The following TAF4B variants were observed in gnomAD, a reference collection of about 807,000 sequenced individuals.
The protein encoded by TAF4B is transcription initiation factor TFIID subunit 4B.
A neutral mutation model predicts 86.4 loss-of-function variants in TAF4B; 38 were observed. The observed-to-expected ratio is 0.44, with a 90% CI of 0.34 to 0.58. TAF4B has a LOEUF of 0.58. Ranked by LOEUF, TAF4B falls within the 20% of genes least tolerant of loss-of-function variation. TAF4B has a pLI of 0.02. For synonymous variants in TAF4B, 388 were observed against 391.2 expected, an observed-to-expected ratio of 0.99 and a Z score of 0.10; for missense variants, 988 against 1,027.6, an observed-to-expected ratio of 0.96 and a Z score of 0.53.
At chr18:26,230,869 G>A (rs1057327056) in intron 1 of TAF4B, among the ~76,000 whole-genome samples, 2 of 152,076 alleles carry the variant, frequency 1.3e-5, no homozygotes. Context: ...GGGGCAATAG[G>A]GCTGCAGCCC....
intron 1 of TAF4B, among the ~76,000 whole-genome samples, chr18:26,244,790 G>A (rs577320075): frequency 1.3e-5 from 2 of 152,326 alleles, no homozygotes; most frequent in Non-Finnish European, 2.9e-5. Flanking sequence ...AGGAGTGGGA[G>A]TAGCCTTGGA....
At position 26,226,658 on chromosome 18, in the gene TAF4B, C is replaced by T. The variant is rs926245940; in HGVS notation, c.-276C>T. The stretch of plus-strand genomic sequence containing the variant: ...AGCCTGAGGCGCAGGGCTGAGGCAG[C>T]GCACGTGTGAGCGCCGCTGAGGAAG... On this transcript the variant is annotated 5_prime_UTR_variant, in exon 1 of 15. Coordinates refer to ENST00000269142, the MANE Select transcript of TAF4B (RefSeq NM_005640.3). 3.3e-5 allele frequency: 11 copies of T among 333,898 alleles called. No individual in the cohort carries two copies. Among genetic ancestry groups the T allele is most frequent in the Non-Finnish European group, 5.4e-5 (10 of 185,996 alleles). The allele number at this position is 333,898 out of a possible 1,614,324, so 20.7% of individuals were successfully genotyped here. A position where few individuals can be genotyped will look rare whatever the true frequency, so the allele number is the denominator to read the frequency against.
At chr18:26,304,558 G>A (rs986036545) in intron 9 of TAF4B, among the ~76,000 whole-genome samples, 2 of 152,100 alleles carry the variant, frequency 1.3e-5, no homozygotes, top group Non-Finnish European at 2.9e-5. Context: ...TTCCAGAGAG[G>A]ATTTGTGACT....
chr18:26,318,180 C>T (rs2056930654), intron 10 of TAF4B, among the ~76,000 whole-genome samples: 2 of 152,064 alleles, frequency 1.3e-5, no homozygotes, highest in Non-Finnish European at 1.5e-5. Context: ...ACTACAGGTG[C>T]GCACTACTAA....
intron 12 of TAF4B, among the ~76,000 whole-genome samples, chr18:26,330,961 A>G (rs773308685): frequency 1.3e-5 from 2 of 152,108 alleles, no homozygotes; most frequent in Non-Finnish European, 2.9e-5. Context: ...TCACAGACCC[A>G]TTCCTTGATG....
chr18:26,338,044 T>C (rs1452850791), intron 13 of TAF4B, among the ~76,000 whole-genome samples: 1 of 152,232 alleles, frequency 6.6e-6, no homozygotes, highest in Non-Finnish European at 1.5e-5. Context: ...GTAGGCTTTA[T>C]TTATGCTGAG....
intron 13 of TAF4B, among the ~76,000 whole-genome samples, chr18:26,356,615 T>C (rs2057290447): frequency 6.6e-6 from 1 of 152,172 alleles, no homozygotes; most frequent in African/African-American, 2.4e-5. Context: ...TTCAGTTGAC[T>C]GTCTTGATCT....
intron 14 of TAF4B, among the ~76,000 whole-genome samples, chr18:26,358,828 C>T (rs761766856): frequency 9.9e-5 from 15 of 152,176 alleles, no homozygotes; most frequent in Non-Finnish European, 1.9e-4. Context: ...AGAGCCATAG[C>T]TCATCTTATA....
intron 14 of TAF4B, among the ~76,000 whole-genome samples, chr18:26,372,501 A>G (rs566074151): frequency 2.0e-5 from 3 of 152,266 alleles, no homozygotes; most frequent in South Asian, 4.1e-4. Context: ...GACCATCAGA[A>G]TCAGTTTACT....
intron 1 of TAF4B, among the ~76,000 whole-genome samples, chr18:26,247,988 C>A (rs1292590673): frequency 7.6e-6 from 1 of 132,162 alleles, no homozygotes; most frequent in Non-Finnish European, 1.6e-5. Flanking sequence ...AGTTCTCCTA[C>A]GTCAAACCTA....
At chr18:26,324,855 A>G (rs2056991777) in intron 11 of TAF4B, among the ~76,000 whole-genome samples, 1 of 152,194 alleles carries the variant, frequency 6.6e-6, no homozygotes, top group Non-Finnish European at 1.5e-5. Context: ...TGAAATCACC[A>G]TTATTTTGTA....
chr18:26,293,473 C>T lies in TAF4B; in HGVS notation c.1774C>T (p.Leu592Phe). 6.3e-7 allele frequency: 1 copy of T among 1,597,062 alleles called. No homozygotes were observed. The highest frequency in any genetic ancestry group is 8.5e-7 in the Non-Finnish European group (1 of 1,175,530). Residue 592 changes from leucine (L) to phenylalanine (F), a missense_variant, in exon 9 of 15, where the codon CTT (leucine) becomes TTT (phenylalanine). Around this residue, in one of 3 missense-constraint regions of TAF4B, gnomAD observed 747 missense variants for 737.9 expected, o/e 1.01. Coordinates refer to ENST00000269142, the MANE Select transcript of TAF4B (RefSeq NM_005640.3). ...TCTGCCTGGAAATAAAATTCTGTCA[C>T]TTCAAGCATCTCCTACTCAGAAAAA... ...ITLPGNKILS[L>F]QASPTQKNRI...
chr18:26,341,439 C>A (rs954837095), intron 13 of TAF4B, among the ~76,000 whole-genome samples: 2 of 151,478 alleles, frequency 1.3e-5, no homozygotes, highest in Non-Finnish European at 2.9e-5. Context: ...AGGATGACAA[C>A]TGAAAAAAAA....
intron 2 of TAF4B, among the ~76,000 whole-genome samples, chr18:26,266,402 A>G (rs1220040963): frequency 6.6e-6 from 1 of 151,942 alleles, no homozygotes; most frequent in Non-Finnish European, 1.5e-5. Flanking sequence ...TGAGTACTGT[A>G]CCCAGCCTAT....
At chr18:26,353,335 GTCTAA>G (rs2057259947) in intron 13 of TAF4B, among the ~76,000 whole-genome samples, 1 of 152,148 alleles carries the variant, frequency 6.6e-6, no homozygotes. Context: ...TATATTAATA[GTCTAA>G]GAAACACCAT....
At chr18:26,264,511 A>G (rs1043114155) in intron 1 of TAF4B, among the ~76,000 whole-genome samples, 1 of 152,190 alleles carries the variant, frequency 6.6e-6, no homozygotes, top group Non-Finnish European at 1.5e-5. Context: ...TTGTTGAACT[A>G]TAGAGTGTGG....
At chr18:26,335,030 G>A (rs897349430) in intron 12 of TAF4B, 145 bp from the exon 13 acceptor site, 2 of 600,974 alleles carry the variant, frequency 3.3e-6, no homozygotes, top group Non-Finnish European at 5.8e-6. Flanking sequence ...CAGGGTGGGA[G>A]TGCAGCTAGA....
chr18:26,315,348 A>G lies in TAF4B; in HGVS notation c.1952A>G (p.Asp651Gly). ...LVGTLIQSCK[D>G]EPFLFIGALQ... ...GGCACACTCATTCAGTCATGTAAAG[A>G]TGAACCATTTCTTTTTATTGGAGCT... Residue 651 changes from aspartate (D) to glycine (G), a missense_variant, in exon 10 of 15, where the codon GAT becomes GGT. This residue lies in a region of TAF4B where 25 missense variants were observed against 51.3 expected (regional missense o/e 0.49). Transcript: ENST00000269142. 6.2e-7 allele frequency: 1 copy of G among 1,613,622 alleles called. No homozygotes were observed. Among genetic ancestry groups the G allele is most frequent in the Non-Finnish European group, 8.5e-7 (1 of 1,179,864 alleles).
At chr18:26,231,346 T>G (rs1334230525) in intron 1 of TAF4B, among the ~76,000 whole-genome samples, 3 of 123,820 alleles carry the variant, frequency 2.4e-5, no homozygotes, top group Admixed American at 8.0e-5. Context: ...CTGCTTGGGG[T>G]TTTTTTTTTT....
Sources: allele counts gnomAD v4.1 joint callset (sites outside exome capture counted in the v4.1 genomes callset), GRCh38; gene constraint gnomAD v4.1.1; regional missense constraint gnomAD v4.1.1; transcripts MANE v1.5; gene names NCBI Gene and HGNC (gene_info 2026-07-23, HGNC 2026-07-21).